The following CYTIP variants were observed in gnomAD, a reference collection of about 807,000 sequenced individuals.
CYTIP encodes the protein cytohesin-interacting protein.
CYTIP carries 26 observed loss-of-function variants against 43.8 expected under a neutral mutation model. The ratio of observed to expected loss-of-function variants is 0.59; its 90% CI spans 0.44 to 0.82. The LOEUF is 0.82. Ranked by LOEUF, CYTIP falls within the 40% of genes least tolerant of loss-of-function variation. CYTIP has a pLI of 0.00. For missense variants in CYTIP, 426 were observed against 443.1 expected, an observed-to-expected ratio of 0.96 and a Z score of 0.35; for synonymous variants, 162 against 162.9, an observed-to-expected ratio of 0.99 and a Z score of 0.04.
intron 6 of CYTIP, 32 bp from the exon 7 acceptor site, chr2:157,418,621 T>G: frequency 7.0e-7 from 1 of 1,427,404 alleles, no homozygotes; most frequent in Non-Finnish European, 9.6e-7. Flanking sequence ...AAAAAAGTTT[T>G]TATTATTAGG....
chr2:157,434,145 C>G (rs1685755851), intron 3 of CYTIP: 2 of 574,530 alleles, frequency 3.5e-6, no homozygotes, highest in Admixed American at 3.3e-5. Context: ...CAACTAAGCA[C>G]AAACTGCTGA....
At chr2:157,428,983 A>G (rs556422422) in intron 5 of CYTIP, among the ~76,000 whole-genome samples, 8 of 152,352 alleles carry the variant, frequency 5.3e-5, no homozygotes, top group African/African-American at 1.9e-4. Context: ...CAGCCCTATC[A>G]CTTACCAGTT....
At chr2:157,419,626 A>T (rs1455496434) in intron 6 of CYTIP, among the ~76,000 whole-genome samples, 1 of 152,186 alleles carries the variant, frequency 6.6e-6, no homozygotes, top group Non-Finnish European at 1.5e-5. Flanking sequence ...TTGCAAATTC[A>T]GGTCCCTATA....
chr2:157,415,728 T>A lies in CYTIP; in HGVS notation c.1029A>T (p.Lys343Asn). The A allele has an allele frequency of 6.2e-7, 1 of 1,614,008 alleles. No individual in the cohort carries two copies. Among genetic ancestry groups the A allele is most frequent in the Non-Finnish European group, 8.5e-7 (1 of 1,179,924 alleles). Residue 343 changes from lysine to asparagine, a missense_variant, in exon 8 of 8, where the codon AAA (lysine) becomes AAT (asparagine). Coordinates refer to ENST00000264192, the MANE Select transcript of CYTIP (RefSeq NM_004288.5). ...RKGSVRKQLL[K>N]FIPGLHRAVE... ...CAGCACGATGAAGGCCAGGGATAAA[T>A]TTCAAGAGTTGCTTTCGGACACTTC...
chr2:157,421,310 C>T (rs551065993), intron 6 of CYTIP, among the ~76,000 whole-genome samples: 2 of 152,318 alleles, frequency 1.3e-5, no homozygotes, highest in Admixed American at 6.5e-5. Flanking sequence ...TGAATGAATA[C>T]GTGAAAATAA....
Position 157,424,518 on chromosome 2 carries a change from T to G in CYTIP, c.546+2833A>C, listed in dbSNP as rs182801013. ...ATATGATGTTGTTTCCTCAAATTGA[T>G]ATATATATATATAATGTGCAATCAG... On this transcript the variant is annotated intron_variant, in intron 6 of 7. Transcript: ENST00000264192. 2.7e-3 allele frequency among the ~76,000 whole-genome samples: 410 copies of G among 150,852 alleles called. 4 individuals carry two copies. The highest frequency in any genetic ancestry group is 9.8e-3 in the African/African-American group (403 of 41,322).
chr2:157,430,586 A>C lies in CYTIP; in HGVS notation c.449T>G (p.Leu150Arg), dbSNP rs1685697091. Residue 150 changes from leucine (L) to arginine (R), a missense_variant, in exon 5 of 8, where the codon CTG (leucine) becomes CGG (arginine). Transcript: ENST00000264192. ...EGFTYKQVVD[L>R]IRSSGNLLTI... ...TAGCAGGTTTCCGGACGATCTGATC[A>C]GGTCAACGACTTGTTTGTAGGTAAA... 1.2e-6 allele frequency: 2 copies of C among 1,614,094 alleles called. No homozygotes were observed. The highest frequency in any genetic ancestry group is 2.2e-5 in the South Asian group (2 of 91,092).
chr2:157,429,159 G>T (rs1475727536), intron 5 of CYTIP, among the ~76,000 whole-genome samples: 2 of 152,156 alleles, frequency 1.3e-5, no homozygotes, highest in South Asian at 2.1e-4. Context: ...TCCATGGTCT[G>T]CCCCCAGGCC....
At chr2:157,425,514 G>C (rs1398671663) in intron 6 of CYTIP, among the ~76,000 whole-genome samples, 2 of 152,194 alleles carry the variant, frequency 1.3e-5, no homozygotes, top group East Asian at 1.9e-4. Context: ...AACATTGTAT[G>C]GTGCTCATGA....
intron 6 of CYTIP, among the ~76,000 whole-genome samples, chr2:157,422,530 C>T (rs1225799367): frequency 1.3e-5 from 2 of 151,720 alleles, no homozygotes; most frequent in Admixed American, 6.6e-5. Context: ...GTTAGCCAGG[C>T]GTGGTGGCAG....
chr2:157,431,002 C>A (rs767580013), intron 3 of CYTIP, 40 bp from the exon 4 acceptor site: 2 of 1,525,106 alleles, frequency 1.3e-6, no homozygotes, highest in South Asian at 2.4e-5. Context: ...TATTTAACAA[C>A]CTCAACATCT....
intron 6 of CYTIP, among the ~76,000 whole-genome samples, chr2:157,422,468 G>A (rs973039518): frequency 6.6e-6 from 1 of 151,974 alleles, no homozygotes; most frequent in Non-Finnish European, 1.5e-5. Flanking sequence ...AGGAGTTCGC[G>A]ACCAGCCTGC....
intron 1 of CYTIP, among the ~76,000 whole-genome samples, chr2:157,443,643 C>T (rs1051240372): frequency 6.6e-6 from 1 of 152,038 alleles, no homozygotes; most frequent in African/African-American, 2.4e-5. Context: ...TAATTTTTGC[C>T]TTGAAAAAAA....
intron 6 of CYTIP, among the ~76,000 whole-genome samples, chr2:157,425,441 A>T (rs537095591): frequency 6.6e-6 from 1 of 152,266 alleles, no homozygotes; most frequent in East Asian, 1.9e-4. Context: ...ACTTTAAAAA[A>T]ATTGATACAA....
At chr2:157,429,911 T>A (rs1382494021) in intron 5 of CYTIP, among the ~76,000 whole-genome samples, 3 of 150,124 alleles carry the variant, frequency 2.0e-5, no homozygotes, top group Non-Finnish European at 4.4e-5. Flanking sequence ...TAGTCCCAGC[T>A]ACTAGGGAGG....
chr2:157,441,076 A>G lies in CYTIP; in HGVS notation c.174+2771T>C, dbSNP rs1239930543. On this transcript the variant is annotated intron_variant, in intron 1 of 7. Transcript: ENST00000264192. ...AAATAATTCTGAATGTAAACACCCA[A>G]TTGATTCTGAAGACTAATAATTTGA... Among the ~76,000 whole-genome samples the G allele has an allele frequency of 2.2e-4, 8 of 37,190 alleles. No homozygotes were observed. The Admixed American group carries it at 2.2e-3, about 10-fold the overall frequency. The allele number at this position is 37,190 out of a possible 152,430, so 24.4% of individuals were successfully genotyped here.
intron 3 of CYTIP, among the ~76,000 whole-genome samples, chr2:157,433,994 T>A (rs879709071): frequency 3.3e-5 from 5 of 152,174 alleles, no homozygotes; most frequent in Non-Finnish European, 5.9e-5. Context: ...TAAAATCTGA[T>A]ACACAGTATA....
At position 157,430,934 on chromosome 2, in the gene CYTIP, C is replaced by G; in HGVS notation, c.308G>C (p.Cys103Ser). 1 of 1,613,748 alleles carries G rather than the reference C, an allele frequency of 6.2e-7. No homozygotes were observed. The highest frequency in any genetic ancestry group is 8.5e-7 in the Non-Finnish European group (1 of 1,179,894). Reference protein sequence around the residue: ...QSYRPQNQNACSSEMFTLICK... With the variant: ...QSYRPQNQNASSSEMFTLICK... ...TATCAAAGTGAACATTTCCGAGGAG[C>G]AGGCATTCTGATTCTGGGGCCTGTA... Residue 103 changes from cysteine (C) to serine (S), a missense_variant, in exon 4 of 8, where the codon TGC becomes TCC. Cys to Ser is a moderately radical substitution (Grantham distance 112). Transcript: ENST00000264192.
At chr2:157,431,804 T>G (rs778904824) in intron 3 of CYTIP, among the ~76,000 whole-genome samples, 21 of 152,198 alleles carry the variant, frequency 1.4e-4, no homozygotes, top group Non-Finnish European at 2.9e-4. Flanking sequence ...TAAGCTACAT[T>G]AAAGTAGTAC....
Sources: gnomAD v4.1 joint callset for allele counts (sites outside exome capture counted in the v4.1 genomes callset) on GRCh38, gnomAD v4.1.1 for gene constraint, MANE v1.5 for transcripts, NCBI Gene and HGNC (gene_info 2026-07-23, HGNC 2026-07-21) for gene names.